The following SATB2 variants were observed in gnomAD, a reference collection of about 807,000 sequenced individuals.
SATB2 encodes the protein SATB homeobox 2, also known as DNA-binding protein SATB2.
SATB2 carries 1 observed loss-of-function variant against 73.4 expected under a neutral mutation model. That is an observed-to-expected ratio of 0.01 (90% CI 0.00 to 0.06). The LOEUF is 0.06. Among genes scored for constraint, SATB2 ranks in the 10% least tolerant of loss-of-function variants. The probability of loss-of-function intolerance (pLI) is 1.00; values close to 1 mark genes in which losing one functional copy is unlikely to be tolerated. For missense variants in SATB2, 459 were observed against 945.8 expected, an observed-to-expected ratio of 0.49 and a Z score of 6.75; for synonymous variants, 397 against 367.0, an observed-to-expected ratio of 1.08 and a Z score of -0.93.
At chr2:199,370,728 A>C (rs1689419688) in intron 5 of SATB2, among the ~76,000 whole-genome samples, 1 of 151,970 alleles carries the variant, frequency 6.6e-6, no homozygotes. Context: ...CTATATCTTC[A>C]ATTGACCCTG....
chr2:199,367,036 T>G (rs1689306890), intron 6 of SATB2, among the ~76,000 whole-genome samples: 1 of 152,138 alleles, frequency 6.6e-6, no homozygotes, highest in African/African-American at 2.4e-5. Flanking sequence ...ACTCTCTTAC[T>G]TTCTCTTATA....
intron 10 of SATB2, among the ~76,000 whole-genome samples, chr2:199,297,474 G>T (rs1292348723): frequency 6.6e-6 from 1 of 152,152 alleles, no homozygotes; most frequent in East Asian, 1.9e-4. Context: ...ACTGAAGGGA[G>T]TCCTGGGATC....
intron 7 of SATB2, among the ~76,000 whole-genome samples, chr2:199,343,468 A>G (rs2105815645): frequency 6.6e-6 from 1 of 152,308 alleles, no homozygotes; most frequent in East Asian, 1.9e-4. Flanking sequence ...TGGAAAATCT[A>G]TGGTTGGTTT....
rs1692107278 is a variant in SATB2 at position 199,270,030 on chromosome 2, T to C, written c.*2181A>G. The stretch of plus-strand genomic sequence containing the variant: ...CTTGGCAAAATCAGTTTCCATTACG[T>C]GTACAGAGTGACCTTCAGCAACAGT... On this transcript the variant is annotated 3_prime_UTR_variant, in exon 11 of 11. Transcript: ENST00000417098. 6.5e-6 allele frequency: 1 copy of C among 152,716 alleles called. No individual in the cohort carries two copies. Among genetic ancestry groups the C allele is most frequent in the Non-Finnish European group, 1.5e-5 (1 of 68,038 alleles). 9.5% of individuals were successfully genotyped at this position (152,716 alleles called of 1,614,324 possible).
At chr2:199,342,869 C>T (rs1688546873) in intron 7 of SATB2, among the ~76,000 whole-genome samples, 1 of 151,986 alleles carries the variant, frequency 6.6e-6, no homozygotes, top group African/African-American at 2.4e-5. Flanking sequence ...TAAAAAGAAG[C>T]TCTTGAAAAT....
Position 199,456,062 on chromosome 2 carries a change from T to G in SATB2, c.-25A>C. The G allele has an allele frequency of 7.9e-7, 1 of 1,259,178 alleles. No individual in the cohort carries two copies. The highest frequency in any genetic ancestry group is 1.0e-6 in the Non-Finnish European group (1 of 986,004). 78.0% of individuals were successfully genotyped at this position (1,259,178 alleles called of 1,614,324 possible). On this transcript the variant is annotated 5_prime_UTR_variant, in exon 2 of 11. Coordinates refer to ENST00000417098, the MANE Select transcript of SATB2 (RefSeq NM_001172509.2). ...TGCTGCTCCGACTCGGAGACAAAGT[T>G]CCCACCGGCAGGTCGCAATAAAACG...
intron 3 of SATB2, among the ~76,000 whole-genome samples, chr2:199,392,376 G>A (rs1277206482): frequency 6.6e-6 from 1 of 151,558 alleles, no homozygotes; most frequent in Non-Finnish European, 1.5e-5. Context: ...TTCCTTCTAA[G>A]TGTGAAGGAC....
chr2:199,354,582 C>T (rs557345858), intron 6 of SATB2, among the ~76,000 whole-genome samples: 4 of 152,228 alleles, frequency 2.6e-5, no homozygotes, highest in Admixed American at 2.0e-4. Flanking sequence ...AATGCTTCTA[C>T]GTCCAGTAGC....
At position 199,381,702 on chromosome 2, in the gene SATB2, T is replaced by C. The variant is rs776594870; in HGVS notation, c.465A>G (p.Gln155=). 12 of 1,614,074 alleles carry C rather than the reference T, an allele frequency of 7.4e-6. No individual in the cohort carries two copies. Among genetic ancestry groups the C allele is most frequent in the Non-Finnish European group, 1.0e-5 (12 of 1,179,932 alleles). Residue 155 remains glutamine (Q), a synonymous_variant, in exon 4 of 11, where the codon CAA becomes CAG. Transcript: ENST00000417098. ...TGTTCAGAAACACCCACCTTTGTAA[T>C]TGGATTTTCAACGTCACAACATGAT... ...DVYHVVTLKI[Q]LQSCSKLEDL... is the part of the protein sequence containing the mutation.
intron 6 of SATB2, among the ~76,000 whole-genome samples, chr2:199,353,945 C>A (rs1183578989): frequency 4.6e-5 from 7 of 152,160 alleles, no homozygotes; most frequent in Non-Finnish European, 8.8e-5. Context: ...GATCAGAAAT[C>A]CTGGAAAAAA....
At chr2:199,447,221 A>G (rs2105946010) in intron 2 of SATB2, among the ~76,000 whole-genome samples, 1 of 152,306 alleles carries the variant, frequency 6.6e-6, no homozygotes, top group African/African-American at 2.4e-5. Context: ...GTTCATTCGG[A>G]GTTGCTGAAA....
chr2:199,424,169 AGCAAGTG>A (rs954247179), intron 3 of SATB2, among the ~76,000 whole-genome samples: 1 of 152,254 alleles, frequency 6.6e-6, no homozygotes, highest in African/African-American at 2.4e-5. Flanking sequence ...CTTTTGAGCA[AGCAAGTG>A]GCACGTGCTC....
chr2:199,380,504 T>A lies in SATB2; in HGVS notation c.474-17A>T. 6.2e-7 allele frequency: 1 copy of A among 1,610,852 alleles called. No homozygotes were observed. The highest frequency in any genetic ancestry group is 8.5e-7 in the Non-Finnish European group (1 of 1,179,896). On this transcript the variant is annotated splice_polypyrimidine_tract_variant and intron_variant, in intron 4 of 10. Transcript: ENST00000417098. ...TTTGAACAACTGCAAAACAGAGCAATAATGAACAATACACAAACCTCAACC... is the reference window on the plus strand; with the variant it reads ...TTTGAACAACTGCAAAACAGAGCAAAAATGAACAATACACAAACCTCAACC...
chr2:199,375,241 G>A (rs1451667950), intron 5 of SATB2, among the ~76,000 whole-genome samples: 2 of 152,176 alleles, frequency 1.3e-5, no homozygotes, highest in Non-Finnish European at 2.9e-5. Context: ...AATAAGGGAG[G>A]ACGATGCCTA....
chr2:199,366,590 TAC>T (rs1689291354), intron 6 of SATB2, among the ~76,000 whole-genome samples: 1 of 152,080 alleles, frequency 6.6e-6, no homozygotes, highest in South Asian at 2.1e-4. Flanking sequence ...AGCTTGTGTT[TAC>T]TTCACACATA....
chr2:199,469,038 G>T (rs1318149316), upstream of SATB2: 1 of 152,242 alleles, frequency 6.6e-6, no homozygotes, highest in Non-Finnish European at 1.5e-5. Flanking sequence ...GTGCCTCACC[G>T]GGTTCCCCAG....
chr2:199,309,033 G>T, intron 9 of SATB2, 76 bp from the exon 10 acceptor site: 1 of 1,117,696 alleles, frequency 8.9e-7, no homozygotes, highest in African/African-American at 1.5e-5. Flanking sequence ...GCGGTCCAGT[G>T]CCATCACAGT....
chr2:199,325,669 T>C (rs558848500), intron 8 of SATB2, among the ~76,000 whole-genome samples: 2 of 152,210 alleles, frequency 1.3e-5, no homozygotes, highest in African/African-American at 4.8e-5. Context: ...TATCTCATCC[T>C]ACCTGATTGG....
At chr2:199,395,581 A>T (rs1690276754) in intron 3 of SATB2, among the ~76,000 whole-genome samples, 1 of 152,188 alleles carries the variant, frequency 6.6e-6, no homozygotes, top group Non-Finnish European at 1.5e-5. Context: ...TCAAAAAAAA[A>T]TGCTTGTATA....
Sources: allele counts gnomAD v4.1 joint callset (sites outside exome capture counted in the v4.1 genomes callset), GRCh38; gene constraint gnomAD v4.1.1; transcripts MANE v1.5; gene names NCBI Gene and HGNC (gene_info 2026-07-23, HGNC 2026-07-21).